Variants in GSTA2 observed in about 807,000 individuals in gnomAD.
GSTA2 encodes the protein glutathione S-transferase alpha 2.
GSTA2 carries 27 observed loss-of-function variants against 22.4 expected under a neutral mutation model. That is an observed-to-expected ratio of 1.21 (90% confidence interval 0.89 to 1.67). The LOEUF (loss-of-function observed/expected upper bound fraction) is 1.67. Ranked by LOEUF, GSTA2 falls within the 40% of genes most tolerant of loss-of-function variation. The pLI, the probability that GSTA2 is intolerant of heterozygous loss-of-function variation, is 0.00. For missense variants in GSTA2, 302 were observed against 260.2 expected, an observed-to-expected ratio of 1.16 and a Z score of -1.11; for synonymous variants, 121 against 86.8, an observed-to-expected ratio of 1.39 and a Z score of -2.19.
At chr6:52,758,019 T>C (rs909873779) in intron 1 of GSTA2, 42 bp from the exon 2 acceptor site, 33 of 1,146,924 alleles carry the variant, frequency 2.9e-5, no homozygotes, top group African/African-American at 2.2e-4. Flanking sequence ...ATTGAAACGA[T>C]AGAATCAAAA....
intron 1 of GSTA2, among the ~76,000 whole-genome samples, chr6:52,763,220 G>A (rs917072684): frequency 2.6e-5 from 4 of 151,916 alleles, no homozygotes; most frequent in African/African-American, 7.3e-5. Flanking sequence ...TAAATGCTGA[G>A]GCCCTGGTTT....
intron 1 of GSTA2, among the ~76,000 whole-genome samples, 164 bp downstream of exon 1, chr6:52,763,280 G>C (rs945801658): frequency 1.3e-5 from 2 of 152,100 alleles, no homozygotes; most frequent in Non-Finnish European, 2.9e-5. Context: ...CAACAGAAAA[G>C]AAATAAACAG....
chr6:52,763,303 C>T (rs1169407888), intron 1 of GSTA2, 141 bp downstream of exon 1: 1 of 166,490 alleles, frequency 6.0e-6, no homozygotes, highest in Non-Finnish European at 1.3e-5. Context: ...CTTGAACTGT[C>T]ACCCAAACAC....
At chr6:52,757,805 A>G in intron 2 of GSTA2, 56 bp downstream of exon 2, 2 of 1,415,648 alleles carry the variant, frequency 1.4e-6, no homozygotes, top group Non-Finnish European at 2.0e-6. Context: ...CTGTGGGAAA[A>G]GTATGTGATA....
At position 52,750,697 on chromosome 6, in the gene GSTA2, G is replaced by A. The variant is rs751130835; in HGVS notation, c.549C>T (p.Ala183=). ...GCAGGTTACTGATTCTGGTTTTCAG[G>A]GCCTGTAATCCACAAAGCACAGCCT... ...SLISSFPLLK[A]LKTRISNLPT... is the part of the protein sequence containing the mutation. Residue 183 remains alanine, a splice_region_variant and synonymous_variant, in exon 7 of 7, where the codon GCC becomes GCT. Coordinates refer to ENST00000493422, the MANE Select transcript of GSTA2 (RefSeq NM_000846.5). 2.5e-6 allele frequency: 4 copies of A among 1,612,326 alleles called. No homozygotes were observed. The highest frequency in any genetic ancestry group is 2.0e-4 in the Middle Eastern group (1 of 4,986).
rs529987882 is a variant in GSTA2 at position 52,757,094 on chromosome 6, C to T, written c.87+767G>A. ...TCTGTCTTGTTCACTATCTCCATGA[C>T]CGAGTACAGAACCTGGAATTAATAA... On this transcript the variant is annotated intron_variant, in intron 2 of 6. Transcript: ENST00000493422. Among the ~76,000 whole-genome samples, 991 of 124,874 alleles carry T rather than the reference C, an allele frequency of 7.9e-3. 6 individuals are homozygous for T. The highest frequency in any genetic ancestry group is 0.015 in the South Asian group (49 of 3,300). The allele number at this position is 124,874 out of a possible 152,430, so 81.9% of individuals were successfully genotyped here.
chr6:52,752,836 C>G lies in GSTA2; in HGVS notation c.414+18G>C. The G allele has an allele frequency of 6.2e-7, 1 of 1,613,268 alleles. No homozygotes were observed. On this transcript the variant is annotated intron_variant, in intron 5 of 6. Coordinates refer to ENST00000493422, the MANE Select transcript of GSTA2 (RefSeq NM_000846.5). ...CTTCTAAACTCAGTTCCCCAAAACA[C>G]TGAACAGCTTCACTTACTTTTTCAA...
At chr6:52,751,763 C>A in intron 5 of GSTA2, 55 bp from the exon 6 acceptor site, 1 of 1,613,272 alleles carries the variant, frequency 6.2e-7, no homozygotes. Context: ...GCTGGGACCC[C>A]TGCTTCTTTC....
intron 2 of GSTA2, 69 bp downstream of exon 2, chr6:52,757,792 T>C (rs1581775397): frequency 1.5e-6 from 2 of 1,322,660 alleles, no homozygotes; most frequent in East Asian, 2.3e-5. Flanking sequence ...CATCTCATAG[T>C]TTCTGTGGGA....
intron 4 of GSTA2, among the ~76,000 whole-genome samples, chr6:52,754,649 G>A (rs972282835): frequency 3.9e-5 from 6 of 152,164 alleles, no homozygotes; most frequent in Non-Finnish European, 8.8e-5. Context: ...TGAGCACCTG[G>A]AAACATGATT....
intron 4 of GSTA2, among the ~76,000 whole-genome samples, chr6:52,754,462 A>G (rs1473889035): frequency 3.3e-5 from 5 of 152,172 alleles, no homozygotes; most frequent in Non-Finnish European, 5.9e-5. Context: ...GCCCTGCTCA[A>G]GTATTCCAGT....
At chr6:52,762,904 G>T (rs2749016) in intron 1 of GSTA2, among the ~76,000 whole-genome samples, 119,178 of 151,524 alleles carry the variant, frequency 0.79, 47,940 homozygotes, top group East Asian at 1. Flanking sequence ...TCTCTATATT[G>T]GCCATGAGTT....
intron 1 of GSTA2, among the ~76,000 whole-genome samples, chr6:52,761,717 G>C (rs1487864282): frequency 6.6e-6 from 1 of 150,520 alleles, no homozygotes; most frequent in East Asian, 1.9e-4. Flanking sequence ...CAACCAGGGG[G>C]ATTTTGTTCC....
intron 3 of GSTA2, among the ~76,000 whole-genome samples, chr6:52,755,384 T>C (rs1310417284): frequency 2.0e-5 from 3 of 152,054 alleles, no homozygotes; most frequent in Non-Finnish European, 4.4e-5. Context: ...TGGCTAATTT[T>C]TGTATTTTTA....
At chr6:52,758,661 A>T (rs1762894341) in intron 1 of GSTA2, among the ~76,000 whole-genome samples, 1 of 152,210 alleles carries the variant, frequency 6.6e-6, no homozygotes, top group South Asian at 2.1e-4. Context: ...AGACTTGTTT[A>T]ACTGTAGCTA....
chr6:52,750,366 A>T lies in GSTA2; in HGVS notation c.*211T>A, dbSNP rs562261851. The T allele has an allele frequency of 5.2e-4, 209 of 399,866 alleles. No homozygotes were observed. The highest frequency in any genetic ancestry group is 1.4e-3 in the Middle Eastern group (2 of 1,384). The allele number at this position is 399,866 out of a possible 1,614,324, so 24.8% of individuals were successfully genotyped here. A position where few individuals can be genotyped will look rare whatever the true frequency, so the allele number is the denominator to read the frequency against. Reference sequence around the variant, plus strand: ...CAAGAAAATTGTTGGCTAGGAGGAGATTGGAAAACTGAATTCACATCAGAT... The same window carrying T: ...CAAGAAAATTGTTGGCTAGGAGGAGTTTGGAAAACTGAATTCACATCAGAT... On this transcript the variant is annotated 3_prime_UTR_variant, in exon 7 of 7. Transcript: ENST00000493422.
Position 52,757,921 on chromosome 6 carries a change from G to A in GSTA2, c.27C>T (p.Tyr9=), listed in dbSNP as rs373318601. The part of the protein sequence containing the change: MAEKPKLH[Y]SNIRGRMESI... The stretch of plus-strand genomic sequence containing the variant: ...ACTCCATTCTGCCCCGTATATTGGA[G>A]TAGTGGAGCTTGGGCTTCTCTGCCA... The change falls in exon 2 of 7, where the codon TAC becomes TAT. Residue 9 remains tyrosine, a synonymous_variant. Coordinates refer to ENST00000493422, the MANE Select transcript of GSTA2 (RefSeq NM_000846.5). 1.5e-5 allele frequency: 24 copies of A among 1,613,580 alleles called. No homozygotes were observed. Among genetic ancestry groups the A allele is most frequent in the Non-Finnish European group, 1.7e-5 (20 of 1,179,688 alleles).
Position 52,750,373 on chromosome 6 carries a change from A to G in GSTA2, c.*204T>C, listed in dbSNP as rs1359088316. The G allele has an allele frequency of 2.4e-6, 1 of 417,802 alleles. No homozygotes were observed. The highest frequency in any genetic ancestry group is 4.2e-5 in the East Asian group (1 of 23,918). 25.9% of individuals were successfully genotyped at this position (417,802 alleles called of 1,614,324 possible). A position where few individuals can be genotyped will look rare whatever the true frequency, so the allele number is the denominator to read the frequency against. ...ATTGTTGGCTAGGAGGAGATTGGAA[A>G]ACTGAATTCACATCAGATCCTAATG... On this transcript the variant is annotated 3_prime_UTR_variant, in exon 7 of 7. Transcript: ENST00000493422.
chr6:52,753,900 C>T (rs935987101), intron 4 of GSTA2, among the ~76,000 whole-genome samples: 46 of 152,164 alleles, frequency 3.0e-4, no homozygotes, highest in African/African-American at 1.1e-3. Context: ...TCCTTTAGCC[C>T]CAGGCAATCA....
Sources: gnomAD v4.1 joint callset for allele counts (sites outside exome capture counted in the v4.1 genomes callset) on GRCh38, gnomAD v4.1.1 for gene constraint, MANE v1.5 for transcripts, NCBI Gene and HGNC (gene_info 2026-07-23, HGNC 2026-07-21) for gene names.